Variants in CTNND1 observed in about 807,000 individuals in gnomAD.
CTNND1 encodes the protein catenin delta 1, also known as catenin delta-1.
In CTNND1, 16 loss-of-function variants were observed where a neutral mutation model predicts 112.1. The ratio of observed to expected loss-of-function variants is 0.14; its 90% CI spans 0.10 to 0.22. The LOEUF is 0.22. CTNND1 is among the 10% of genes least tolerant of loss of function. CTNND1 has a pLI of 1.00. For missense variants in CTNND1, 1,008 were observed against 1,257.0 expected (o/e 0.80, Z 3.00); for synonymous variants, 420 against 446.5 (o/e 0.94, Z 0.75).
chr11:57,807,871 G>A (rs1353392776), intron 12 of CTNND1, among the ~76,000 whole-genome samples: 1 of 152,084 alleles, frequency 6.6e-6, no homozygotes, highest in Admixed American at 6.5e-5. Context: ...GCCCCTGAGC[G>A]CTCATGGTAG....
Position 57,801,999 on chromosome 11 carries a change from A to G in CTNND1, c.1223A>G (p.Lys408Arg), listed in dbSNP as rs2062058209. Reference sequence around the variant, plus strand: ...GTGAAGACTGACGTGCGGAAGCTCAAGGGCATCCCAGTACTGGTGGGATTG... The same window carrying G: ...GTGAAGACTGACGTGCGGAAGCTCAGGGGCATCCCAGTACTGGTGGGATTG... ...DKVKTDVRKL[K>R]GIPVLVGLLD... Residue 408 changes from lysine to arginine, a missense_variant, in exon 7 of 21, where the codon AAG becomes AGG. Lys to Arg is a conservative substitution (Grantham distance 26, BLOSUM62 2). Around this residue, in one of 5 missense-constraint regions of CTNND1, gnomAD observed 216 missense variants for 342.8 expected, o/e 0.63. Transcript: ENST00000399050. The G allele has an allele frequency of 6.2e-7, 1 of 1,613,932 alleles. No individual in the cohort carries two copies. The highest frequency in any genetic ancestry group is 1.7e-5 in the Admixed American group (1 of 60,000).
At chr11:57,783,518 G>T (rs2059812156) in intron 1 of CTNND1, among the ~76,000 whole-genome samples, 1 of 152,028 alleles carries the variant, frequency 6.6e-6, no homozygotes, top group Non-Finnish European at 1.5e-5. Context: ...AATTAGCCGG[G>T]CGTGTTGGCG....
chr11:57,788,289 A>G lies in CTNND1; in HGVS notation c.-213-748A>G, dbSNP rs1331630375. ...GCCTGTTGGAATGTAGGGTGGGAATATGAGAAAGTGGCAATGGGTTTTGGA... is the reference window on the plus strand; with the variant it reads ...GCCTGTTGGAATGTAGGGTGGGAATGTGAGAAAGTGGCAATGGGTTTTGGA... On this transcript the variant is annotated intron_variant, in intron 1 of 20. Transcript: ENST00000399050. This position sits in a 1 kb window ranked among gnomAD's most constrained non-coding sequence, Gnocchi z 4.1. 6.6e-6 allele frequency among the ~76,000 whole-genome samples: 1 copy of G among 152,168 alleles called. No individual in the cohort carries two copies. The highest frequency in any genetic ancestry group is 1.5e-5 in the Non-Finnish European group (1 of 68,030).
chr11:57,772,740 C>T (rs1272688018), intron 1 of CTNND1, among the ~76,000 whole-genome samples: 1 of 152,120 alleles, frequency 6.6e-6, no homozygotes, highest in Non-Finnish European at 1.5e-5. Context: ...GTTACTTTCC[C>T]TCTTAAGATT....
intron 6 of CTNND1, among the ~76,000 whole-genome samples, chr11:57,800,567 C>T (rs1402523440): frequency 6.6e-6 from 1 of 152,144 alleles, no homozygotes; most frequent in Non-Finnish European, 1.5e-5. Flanking sequence ...CATGCCTGGT[C>T]CTGTTTCCGT....
intron 18 of CTNND1, 135 bp from the exon 19 acceptor site, chr11:57,815,259 G>C (rs557030052): frequency 3.5e-6 from 2 of 575,052 alleles, no homozygotes; most frequent in East Asian, 5.9e-5. Flanking sequence ...GGGACCATCA[G>C]ACTTTAATGC....
chr11:57,781,063 C>T (rs372499661), intron 1 of CTNND1, among the ~76,000 whole-genome samples: 4 of 152,256 alleles, frequency 2.6e-5, no homozygotes, highest in South Asian at 2.1e-4. Context: ...CTCAGCCTCC[C>T]GGGTAGCTAG....
In CTNND1 at chr11:57,796,506, C is replaced by A; in HGVS notation, c.470C>A (p.Ala157Asp). Residue 157 changes from alanine to aspartate, a missense_variant, in exon 6 of 21, where the codon GCT becomes GAT. Ala to Asp is a moderately radical substitution (Grantham distance 126). Around this residue, in one of 5 missense-constraint regions of CTNND1, gnomAD observed 404 missense variants for 457.9 expected, o/e 0.88. Coordinates refer to ENST00000399050, the MANE Select transcript of CTNND1 (RefSeq NM_001085458.2). The part of the protein sequence containing the change: ...TVTTRTVQPV[A>D]MGPDGLPVDA... ...ACAACACGGACAGTACAGCCAGTCGCTATGGGACCAGACGGGTTGCCTGTG... is the reference window on the plus strand; with the variant it reads ...ACAACACGGACAGTACAGCCAGTCGATATGGGACCAGACGGGTTGCCTGTG... 6.2e-7 allele frequency: 1 copy of A among 1,613,878 alleles called. No homozygotes were observed. The highest frequency in any genetic ancestry group is 8.5e-7 in the Non-Finnish European group (1 of 1,179,804).
chr11:57,775,775 A>T (rs1191490974), intron 1 of CTNND1, among the ~76,000 whole-genome samples: 1 of 152,148 alleles, frequency 6.6e-6, no homozygotes, highest in African/African-American at 2.4e-5. Context: ...TAATCGTGTT[A>T]CCACTAATGT....
At chr11:57,769,487 A>C (rs188992697) in intron 1 of CTNND1, among the ~76,000 whole-genome samples, 67 of 152,104 alleles carry the variant, frequency 4.4e-4, no homozygotes, top group Middle Eastern at 3.4e-3. Flanking sequence ...GTAGCCTCCC[A>C]CATTCAGTTC....
intron 3 of CTNND1, among the ~76,000 whole-genome samples, chr11:57,792,287 G>C (rs767392339): frequency 6.6e-6 from 1 of 152,242 alleles, no homozygotes. Flanking sequence ...TGGTCTCTGG[G>C]TTGGCTGACT....
rs892197861 is a variant in CTNND1, at chr11:57,805,805, G to C, written c.1723-77G>C. 6.0e-6 allele frequency: 9 copies of C among 1,496,352 alleles called. No individual in the cohort carries two copies. The Admixed American group carries it at 6.0e-5, about 10-fold the overall frequency. The allele number at this position is 1,496,352 out of a possible 1,614,324, so 92.7% of individuals were successfully genotyped here. A position where few individuals can be genotyped will look rare whatever the true frequency, so the allele number is the denominator to read the frequency against. ...TTTGAAGATCAACATTTTAATACCT[G>C]AGTCATGGAAACCTGTACTTGTGGA... On this transcript the variant is annotated intron_variant, in intron 9 of 20. Transcript: ENST00000399050.
chr11:57,801,998 A>G lies in CTNND1; in HGVS notation c.1222A>G (p.Lys408Glu). 1 of 1,614,014 alleles carries G rather than the reference A, an allele frequency of 6.2e-7. No individual in the cohort carries two copies. The highest frequency in any genetic ancestry group is 8.5e-7 in the Non-Finnish European group (1 of 1,179,884). ...DKVKTDVRKL[K>E]GIPVLVGLLD... is the part of the protein sequence containing the mutation. ...GGTGAAGACTGACGTGCGGAAGCTC[A>G]AGGGCATCCCAGTACTGGTGGGATT... The change falls in exon 7 of 21, where the codon AAG becomes GAG. Residue 408 changes from lysine to glutamate, a missense_variant. Transcript: ENST00000399050.
At chr11:57,792,171 C>T (rs1211387493) in intron 3 of CTNND1, among the ~76,000 whole-genome samples, 1 of 152,046 alleles carries the variant, frequency 6.6e-6, no homozygotes, top group Non-Finnish European at 1.5e-5. Flanking sequence ...TTTTTGTTGG[C>T]TGTGTAAATC....
At chr11:57,790,744 G>T (rs2136659317) in intron 2 of CTNND1, among the ~76,000 whole-genome samples, 1 of 151,584 alleles carries the variant, frequency 6.6e-6, no homozygotes, top group Middle Eastern at 3.4e-3. Context: ...TTTTTTAGTA[G>T]AGACAGGGTT....
chr11:57,767,134 G>A lies in CTNND1; in HGVS notation c.-214+5015G>A, dbSNP rs1951307955. Among the ~76,000 whole-genome samples, 3 of 152,066 alleles carry A rather than the reference G, an allele frequency of 2.0e-5. No individual in the cohort carries two copies. In the South Asian group the frequency reaches 6.2e-4, roughly 32 times the overall value. On this transcript the variant is annotated intron_variant, in intron 1 of 20. Transcript: ENST00000399050. ...CTACAGGTGCGCGCCACCACGCCCT[G>A]CTAATTTTTTGTATATTTAGTAGGG...
At chr11:57,805,827 T>G in intron 9 of CTNND1, 55 bp from the exon 10 acceptor site, 1 of 1,574,876 alleles carries the variant, frequency 6.3e-7, no homozygotes, top group East Asian at 2.3e-5. Flanking sequence ...CCTGTACTTG[T>G]GGAGAAATCA....
intron 20 of CTNND1, 132 bp from the exon 21 acceptor site, chr11:57,816,165 G>C: frequency 1.6e-6 from 2 of 1,254,346 alleles, no homozygotes; most frequent in Non-Finnish European, 1.2e-6. Context: ...TACGAGTCTG[G>C]GACATGCAGC....
intron 7 of CTNND1, among the ~76,000 whole-genome samples, chr11:57,802,431 C>G (rs1215044457): frequency 6.6e-6 from 1 of 152,194 alleles, no homozygotes; most frequent in Non-Finnish European, 1.5e-5. Flanking sequence ...TTCTTGGCTT[C>G]TATTAAAAAC....
Sources: allele counts gnomAD v4.1 joint callset (sites outside exome capture counted in the v4.1 genomes callset), GRCh38; gene constraint gnomAD v4.1.1; regional missense constraint gnomAD v4.1.1; non-coding constraint Gnocchi (gnomAD v3.1); transcripts MANE v1.5; gene names NCBI Gene and HGNC (gene_info 2026-07-23, HGNC 2026-07-21).